The following TRIM24 variants were observed in gnomAD, a reference collection of about 807,000 sequenced individuals.
TRIM24 encodes transcription intermediary factor 1-alpha.
TRIM24 carries 29 observed loss-of-function variants against 123.9 expected under a neutral mutation model. The ratio of observed to expected loss-of-function variants is 0.23; its 90% confidence interval spans 0.17 to 0.32. TRIM24 has a LOEUF of 0.32. Among genes scored for constraint, TRIM24 ranks in the 10% least tolerant of loss-of-function variants. TRIM24 has a pLI of 1.00. For missense variants in TRIM24, 932 were observed against 1,295.3 expected (o/e 0.72, Z 4.31); for synonymous variants, 456 against 461.1 (o/e 0.99, Z 0.14).
chr7:138,505,209 C>G (rs1468042834), intron 2 of TRIM24, among the ~76,000 whole-genome samples: 2 of 152,068 alleles, frequency 1.3e-5, no homozygotes, highest in African/African-American at 4.8e-5. Context: ...AGAAATAAAA[C>G]AGTGAAACAG....
At chr7:138,534,408 G>A (rs541710268) in intron 6 of TRIM24, among the ~76,000 whole-genome samples, 71 of 152,292 alleles carry the variant, frequency 4.7e-4, no homozygotes, top group Middle Eastern at 3.4e-3. Flanking sequence ...ATCCAGGTAC[G>A]TTGTGTCTTT....
rs1798065460 is a variant in TRIM24 at position 138,589,140 on chromosome 7, T to C, written c.*4189T>C. 6.6e-6 allele frequency: 1 copy of C among 152,248 alleles called. No individual in the cohort carries two copies. Among genetic ancestry groups the C allele is most frequent in the African/African-American group, 2.4e-5 (1 of 41,466 alleles). 9.4% of individuals were successfully genotyped at this position (152,248 alleles called of 1,614,324 possible). On this transcript the variant is annotated 3_prime_UTR_variant, in exon 19 of 19. Transcript: ENST00000343526. ...GCCCTATGTAAATTAATAGTTGATG[T>C]CTTTTTATAAATGTTTATTGCATAT...
chr7:138,583,917 A>G lies in TRIM24; in HGVS notation c.2861A>G (p.Glu954Gly), dbSNP rs749119504. ...TCAACCATCAAGAAAAGACTACAAG[A>G]AGATTATTCCATGTACTCAAAACCT... Reference protein sequence around the residue: ...DLSTIKKRLQEDYSMYSKPED... With the variant: ...DLSTIKKRLQGDYSMYSKPED... The change falls in exon 18 of 19, where the codon GAA becomes GGA. Residue 954 changes from glutamate (E) to glycine (G), a missense_variant. By Grantham distance (98) the Glu-to-Gly change is moderately conservative. Coordinates refer to ENST00000343526, the MANE Select transcript of TRIM24 (RefSeq NM_015905.3). 13 of 1,603,308 alleles carry G rather than the reference A, an allele frequency of 8.1e-6. No individual in the cohort carries two copies. The Admixed American group carries it at 1.0e-4, about 13-fold the overall frequency.
At chr7:138,571,024 T>G in intron 11 of TRIM24, 21 bp downstream of exon 11, 1 of 1,612,568 alleles carries the variant, frequency 6.2e-7, no homozygotes, top group Admixed American at 1.7e-5. Context: ...ACAAAATTTA[T>G]ACTAGCCTCT....
At chr7:138,461,138 C>T (rs775702787) in intron 1 of TRIM24, 2 of 687,396 alleles carry the variant, frequency 2.9e-6, no homozygotes, top group East Asian at 5.8e-5. Context: ...TTGACCGCGC[C>T]GCCGCCGCCG....
At chr7:138,549,343 G>A (rs1306418881) in intron 7 of TRIM24, among the ~76,000 whole-genome samples, 3 of 152,166 alleles carry the variant, frequency 2.0e-5, no homozygotes, top group East Asian at 1.9e-4. Context: ...AGCACATAGC[G>A]GTGTGGGAGA....
At chr7:138,526,263 TAAGGTAATTA>T (rs904468338) in intron 5 of TRIM24, among the ~76,000 whole-genome samples, 1 of 152,212 alleles carries the variant, frequency 6.6e-6, no homozygotes, top group Admixed American at 6.5e-5. Context: ...GGAATTTTTT[TAAGGTAATTA>T]AATCCCTGTA....
At chr7:138,484,203 G>A (rs540119491) in intron 1 of TRIM24, among the ~76,000 whole-genome samples, 6 of 151,466 alleles carry the variant, frequency 4.0e-5, no homozygotes, top group Middle Eastern at 3.4e-3. Flanking sequence ...TCCGCCTCCC[G>A]GGTTCAAGTT....
chr7:138,518,330 A>G (rs1423242093), intron 3 of TRIM24, among the ~76,000 whole-genome samples: 1 of 152,142 alleles, frequency 6.6e-6, no homozygotes, highest in Non-Finnish European at 1.5e-5. Context: ...CAACCAGAGG[A>G]GTGCACACCA....
At chr7:138,566,945 C>T (rs144242922) in intron 9 of TRIM24, among the ~76,000 whole-genome samples, 1 of 152,224 alleles carries the variant, frequency 6.6e-6, no homozygotes, top group East Asian at 1.9e-4. Flanking sequence ...ACTAAATTTT[C>T]TGTGCTTTAT....
chr7:138,466,345 A>T (rs1172304585), intron 1 of TRIM24, among the ~76,000 whole-genome samples: 1 of 149,918 alleles, frequency 6.7e-6, no homozygotes, highest in Non-Finnish European at 1.5e-5. Context: ...AAGCTATCTC[A>T]TGGTTTTGGT....
intron 7 of TRIM24, among the ~76,000 whole-genome samples, chr7:138,543,177 T>C (rs1797037087): frequency 6.6e-6 from 1 of 152,190 alleles, no homozygotes; most frequent in Admixed American, 6.5e-5. Context: ...TAAAAATAGA[T>C]GGGATAAATT....
At chr7:138,489,034 G>A (rs184753373) in intron 1 of TRIM24, among the ~76,000 whole-genome samples, 2 of 152,322 alleles carry the variant, frequency 1.3e-5, no homozygotes, top group African/African-American at 4.8e-5. Flanking sequence ...GGGTGCTCCT[G>A]TATTGGGTGC....
At chr7:138,494,067 CG>C (rs1217871418) in intron 1 of TRIM24, among the ~76,000 whole-genome samples, 2 of 151,878 alleles carry the variant, frequency 1.3e-5, no homozygotes, top group East Asian at 3.9e-4. Flanking sequence ...CTGGAACCTC[CG>C]CCTCCTGGGT....
intron 2 of TRIM24, 63 bp from the exon 3 acceptor site, chr7:138,515,149 A>G: frequency 6.5e-7 from 1 of 1,541,476 alleles, no homozygotes; most frequent in Non-Finnish European, 8.8e-7. Flanking sequence ...ATGTACGCAT[A>G]GCTCGAGATA....
rs953082887 is a variant in TRIM24, at chr7:138,586,088, ATTC to A, written c.*1142_*1144del. ...AATCTTTGATCTGACTTCTGATTTTATTCTTCTGATTGATTGATAGAGGTACAA... is the reference window on the plus strand; with the variant it reads ...AATCTTTGATCTGACTTCTGATTTTATTCTGATTGATTGATAGAGGTACAA... On this transcript the variant is annotated 3_prime_UTR_variant, in exon 19 of 19. Coordinates refer to ENST00000343526, the MANE Select transcript of TRIM24 (RefSeq NM_015905.3). 25 of 396,666 alleles carry A rather than the reference ATTC, an allele frequency of 6.3e-5. No homozygotes were observed. Among genetic ancestry groups the A allele is most frequent in the Non-Finnish European group, 1.2e-4 (24 of 203,084 alleles). 24.6% of individuals were successfully genotyped at this position (396,666 alleles called of 1,614,324 possible).
At position 138,460,319 on chromosome 7, in the gene TRIM24, G is replaced by A. The variant is rs1378658911; in HGVS notation, c.-230G>A. 2.0e-5 allele frequency: 8 copies of A among 409,294 alleles called. No homozygotes were observed. The highest frequency in any genetic ancestry group is 3.3e-5 in the Non-Finnish European group (8 of 239,268). 25.4% of individuals were successfully genotyped at this position (409,294 alleles called of 1,614,324 possible). Reference sequence around the variant, plus strand: ...ACGGGGTGCAGCCTCCCCGGTGCGAGGAACGGTCTCCGCTGACAGATACCC... The same window carrying A: ...ACGGGGTGCAGCCTCCCCGGTGCGAAGAACGGTCTCCGCTGACAGATACCC... On this transcript the variant is annotated 5_prime_UTR_variant, in exon 1 of 19. Transcript: ENST00000343526.
chr7:138,515,357 C>T lies in TRIM24; in HGVS notation c.629C>T (p.Pro210Leu). The change falls in exon 3 of 19, where the codon CCA (proline) becomes CTA (leucine). Residue 210 changes from proline to leucine, a missense_variant and splice_region_variant. Transcript: ENST00000343526. ...HTVRQKEEVS[P>L]EAVGVTSQRP... ...GTCAGACAGAAAGAGGAAGTATCTC[C>T]AGGTAATAAATGAGATCTTTGCATT... The T allele has an allele frequency of 6.2e-7, 1 of 1,613,416 alleles. No homozygotes were observed. Among genetic ancestry groups the T allele is most frequent in the Non-Finnish European group, 8.5e-7 (1 of 1,179,532 alleles).
At position 138,463,449 on chromosome 7, in the gene TRIM24, C is replaced by T. The variant is rs1795058074; in HGVS notation, c.364+2537C>T. Reference sequence around the variant, plus strand: ...GTTTTGCCATGTTGGCCAGGCTGGTCTCGAACTTCTGACCTCAGGTGATCC... The same window carrying T: ...GTTTTGCCATGTTGGCCAGGCTGGTTTCGAACTTCTGACCTCAGGTGATCC... On this transcript the variant is annotated intron_variant, in intron 1 of 18. Coordinates refer to ENST00000343526, the MANE Select transcript of TRIM24 (RefSeq NM_015905.3). Among the ~76,000 whole-genome samples the T allele has an allele frequency of 2.0e-5, 3 of 152,176 alleles. No homozygotes were observed. The South Asian group carries it at 6.2e-4, about 32-fold the overall frequency.
Sources: allele counts gnomAD v4.1 joint callset (sites outside exome capture counted in the v4.1 genomes callset), GRCh38; gene constraint gnomAD v4.1.1; transcripts MANE v1.5; gene names NCBI Gene and HGNC (gene_info 2026-07-23, HGNC 2026-07-21).